Variants in ARHGAP15 observed in about 807,000 individuals in gnomAD.
The protein encoded by ARHGAP15 is Rho GTPase activating protein 15.
In ARHGAP15, 51 loss-of-function variants were observed where a neutral mutation model predicts 63.7. That is an observed-to-expected ratio of 0.80 (90% CI 0.64 to 1.01). ARHGAP15 has a LOEUF of 1.01. Ranked by LOEUF, ARHGAP15 falls within the 50% of genes least tolerant of loss-of-function variation. The pLI, the probability that ARHGAP15 is intolerant of heterozygous loss-of-function variation, is 0.00. For missense variants in ARHGAP15, 560 were observed against 564.6 expected (o/e 0.99, Z 0.08); for synonymous variants, 191 against 193.8 (o/e 0.99, Z 0.12).
intron 11 of ARHGAP15, chr2:143,601,499 A>G (rs1697768622): frequency 6.6e-6 from 1 of 152,198 alleles, no homozygotes; most frequent in African/African-American, 2.4e-5. Context: ...CTAGCTACAC[A>G]GGATTTGACC....
intron 12 of ARHGAP15, 137 bp from the exon 13 acceptor site, chr2:143,703,281 AC>A: frequency 1.7e-6 from 1 of 585,580 alleles, no homozygotes; most frequent in Non-Finnish European, 3.0e-6. Flanking sequence ...GGTTGAGTCC[AC>A]CTATTCCCTT....
intron 6 of ARHGAP15, among the ~76,000 whole-genome samples, chr2:143,280,706 G>A (rs758333878): frequency 2.9e-4 from 44 of 152,156 alleles, no homozygotes; most frequent in Non-Finnish European, 5.0e-4. Context: ...GCCAAGAGGA[G>A]TGCTGACATT....
chr2:143,384,310 C>A (rs559328566), intron 6 of ARHGAP15, among the ~76,000 whole-genome samples: 1 of 151,710 alleles, frequency 6.6e-6, no homozygotes, highest in Non-Finnish European at 1.5e-5. Context: ...AAGATTGGTC[C>A]ACAAGAACTT....
At chr2:143,478,272 T>C (rs1691915993) in intron 8 of ARHGAP15, among the ~76,000 whole-genome samples, 1 of 152,200 alleles carries the variant, frequency 6.6e-6, no homozygotes, top group South Asian at 2.1e-4. Flanking sequence ...CCAGCTCCAC[T>C]GTTGTCCCAT....
chr2:143,321,934 A>T lies in ARHGAP15; in HGVS notation c.474+71334A>T, dbSNP rs542818523. 4.8e-4 allele frequency among the ~76,000 whole-genome samples: 73 copies of T among 152,286 alleles called. 2 individuals are homozygous for T. The South Asian group carries it at 0.015, about 31-fold the overall frequency. ...CTCAAGCAATCCTCCTGCCTTGGCC[A>T]CAATTATCTTCCTAATGGAGTCGTA... On this transcript the variant is annotated intron_variant, in intron 6 of 13. Coordinates refer to ENST00000295095, the MANE Select transcript of ARHGAP15 (RefSeq NM_018460.4).
At position 143,647,092 on chromosome 2, in the gene ARHGAP15, AC is replaced by A. The variant is rs1201647293; in HGVS notation, c.1138+22828del. 2.0e-5 allele frequency among the ~76,000 whole-genome samples: 3 copies of A among 152,018 alleles called. No individual in the cohort carries two copies. In the East Asian group the frequency reaches 5.8e-4, roughly 29 times the overall value. ...GAATGAAAAATGGATATTTGTACTTACCCTCATAAGCATTAAAAGAAAATAA... is the reference window on the plus strand; with the variant it reads ...GAATGAAAAATGGATATTTGTACTTACCTCATAAGCATTAAAAGAAAATAA... On this transcript the variant is annotated intron_variant, in intron 12 of 13. Transcript: ENST00000295095.
chr2:143,457,365 C>T (rs1034032426), intron 8 of ARHGAP15, among the ~76,000 whole-genome samples: 1 of 151,874 alleles, frequency 6.6e-6, no homozygotes. Flanking sequence ...ATAGTAAGAC[C>T]CAGTCTCCAC....
intron 8 of ARHGAP15, among the ~76,000 whole-genome samples, chr2:143,444,760 C>A (rs1414516667): frequency 6.6e-6 from 1 of 152,076 alleles, no homozygotes; most frequent in Non-Finnish European, 1.5e-5. Context: ...TAGTATAGCC[C>A]TCACTAAACA....
At chr2:143,313,437 A>G (rs554081267) in intron 6 of ARHGAP15, among the ~76,000 whole-genome samples, 59 of 152,108 alleles carry the variant, frequency 3.9e-4, no homozygotes, top group Non-Finnish European at 7.3e-4. Context: ...TATCTTCTAT[A>G]TTGTTCTTAG....
Position 143,557,026 on chromosome 2 carries a change from A to G in ARHGAP15, c.1003+541A>G, listed in dbSNP as rs1333201641. 4.6e-5 allele frequency among the ~76,000 whole-genome samples: 7 copies of G among 152,250 alleles called. No individual in the cohort carries two copies. In the East Asian group the frequency reaches 1.2e-3, roughly 25 times the overall value. On this transcript the variant is annotated intron_variant, in intron 11 of 13. Coordinates refer to ENST00000295095, the MANE Select transcript of ARHGAP15 (RefSeq NM_018460.4). ...GCTGGCCAAGATGTGGAGCAACAGGAACTCTCATTCATTGCTGGCGGAAGT... is the reference window on the plus strand; with the variant it reads ...GCTGGCCAAGATGTGGAGCAACAGGGACTCTCATTCATTGCTGGCGGAAGT...
intron 12 of ARHGAP15, among the ~76,000 whole-genome samples, chr2:143,690,597 A>G (rs1400209096): frequency 6.6e-6 from 1 of 152,188 alleles, no homozygotes; most frequent in Non-Finnish European, 1.5e-5. Context: ...CAATCATTTC[A>G]TTGTAATGAT....
chr2:143,522,729 C>T (rs1034274462), intron 10 of ARHGAP15, among the ~76,000 whole-genome samples: 3 of 152,124 alleles, frequency 2.0e-5, no homozygotes, highest in Non-Finnish European at 4.4e-5. Flanking sequence ...TCTCATAATG[C>T]TTTCAGAAAG....
intron 6 of ARHGAP15, among the ~76,000 whole-genome samples, chr2:143,346,234 T>TCACA (rs1558909751): frequency 2.5e-5 from 2 of 79,060 alleles, no homozygotes; most frequent in African/African-American, 1.1e-4. Context: ...ACACACTCTC[T>TCACA]CTCACACACA....
chr2:143,509,462 C>T (rs976173914), intron 9 of ARHGAP15, among the ~76,000 whole-genome samples: 1 of 152,182 alleles, frequency 6.6e-6, no homozygotes, highest in African/African-American at 2.4e-5. Context: ...TATTTCTAAT[C>T]AAAGCCCCAA....
At chr2:143,301,617 TA>T (rs1253888253) in intron 6 of ARHGAP15, among the ~76,000 whole-genome samples, 4 of 151,964 alleles carry the variant, frequency 2.6e-5, no homozygotes, top group Admixed American at 6.6e-5. Context: ...GAAATTTGCT[TA>T]ATGCTAATAT....
intron 6 of ARHGAP15, among the ~76,000 whole-genome samples, chr2:143,278,982 T>C (rs924676072): frequency 2.6e-5 from 4 of 152,002 alleles, no homozygotes; most frequent in African/African-American, 9.7e-5. Flanking sequence ...AGGCCACTTA[T>C]TTAAGTACAA....
At chr2:143,301,631 C>T (rs1385915022) in intron 6 of ARHGAP15, among the ~76,000 whole-genome samples, 1 of 151,810 alleles carries the variant, frequency 6.6e-6, no homozygotes, top group African/African-American at 2.4e-5. Flanking sequence ...GCTAATATAG[C>T]ACCATTTCTG....
At chr2:143,691,240 A>T (rs1683587843) in intron 12 of ARHGAP15, among the ~76,000 whole-genome samples, 1 of 152,172 alleles carries the variant, frequency 6.6e-6, no homozygotes, top group African/African-American at 2.4e-5. Context: ...GCTCTGTAGC[A>T]CTGTGAGATT....
At chr2:143,137,638 G>T (rs775033935) in intron 1 of ARHGAP15, among the ~76,000 whole-genome samples, 2 of 151,952 alleles carry the variant, frequency 1.3e-5, no homozygotes, top group Non-Finnish European at 2.9e-5. Context: ...CTACCTCTAA[G>T]TATTTAAATT....
Sources: allele counts gnomAD v4.1 joint callset (sites outside exome capture counted in the v4.1 genomes callset), GRCh38; gene constraint gnomAD v4.1.1; transcripts MANE v1.5; gene names NCBI Gene and HGNC (gene_info 2026-07-23, HGNC 2026-07-21).